PRTFDC1: variants seen among roughly 807,000 people sequenced by gnomAD.
The protein encoded by PRTFDC1 is phosphoribosyl transferase domain containing 1.
In PRTFDC1, 38 loss-of-function variants were observed where a neutral mutation model predicts 34.6. The ratio of observed to expected loss-of-function variants is 1.10; its 90% CI spans 0.85 to 1.44. PRTFDC1 has a LOEUF of 1.44. PRTFDC1 is among the 40% of genes most tolerant of loss of function. The pLI, the probability that PRTFDC1 is intolerant of heterozygous loss-of-function variation, is 0.00. For synonymous variants in PRTFDC1, 93 were observed against 98.1 expected, an observed-to-expected ratio of 0.95 and a Z score of 0.31; for missense variants, 270 against 283.0, an observed-to-expected ratio of 0.95 and a Z score of 0.33.
At chr10:24,948,733 A>G (rs192765258) in intron 1 of PRTFDC1, among the ~76,000 whole-genome samples, 46 of 152,268 alleles carry the variant, frequency 3.0e-4, no homozygotes, top group Admixed American at 3.9e-4. Flanking sequence ...GATTTACTCC[A>G]ATGCCTACCT....
chr10:24,905,331 T>G (rs1588605542), intron 3 of PRTFDC1, among the ~76,000 whole-genome samples: 2 of 147,882 alleles, frequency 1.4e-5, no homozygotes, highest in East Asian at 2.0e-4. Context: ...TTTTTTTTTT[T>G]TTTTTTTTTT....
intron 7 of PRTFDC1, among the ~76,000 whole-genome samples, chr10:24,853,338 G>A (rs996187759): frequency 1.3e-5 from 2 of 151,978 alleles, no homozygotes; most frequent in Non-Finnish European, 2.9e-5. Context: ...AAGGTAAGGT[G>A]CAGTGGCTCA....
intron 3 of PRTFDC1, among the ~76,000 whole-genome samples, chr10:24,885,525 C>A (rs1565266015): frequency 6.6e-6 from 1 of 152,168 alleles, no homozygotes; most frequent in Non-Finnish European, 1.5e-5. Flanking sequence ...CCTGCCTCAG[C>A]CTCCTGAATA....
chr10:24,859,026 G>A (rs1847630159), intron 4 of PRTFDC1, among the ~76,000 whole-genome samples: 1 of 152,138 alleles, frequency 6.6e-6, no homozygotes, highest in Non-Finnish European at 1.5e-5. Flanking sequence ...ACTGTGATAT[G>A]GTTTGGATCT....
At chr10:24,908,502 C>T in intron 3 of PRTFDC1, 1 of 1,612,008 alleles carries the variant, frequency 6.2e-7, no homozygotes, top group Non-Finnish European at 8.5e-7. Context: ...GGATCTCAGA[C>T]CTAATTCTGC....
intron 3 of PRTFDC1, among the ~76,000 whole-genome samples, chr10:24,910,862 T>G (rs1355131996): frequency 6.6e-6 from 1 of 150,630 alleles, no homozygotes; most frequent in Admixed American, 6.6e-5. Flanking sequence ...ATCTTCCTGC[T>G]AAGGAGACAG....
rs998986294 is a variant in PRTFDC1, at chr10:24,942,337, C to A, written c.148G>T (p.Val50Leu). Reference sequence around the variant, plus strand: ...ACAGGAAATCACACTCACCTGTCCACAATGATACCATGAGGGATGAGGACA... The same window carrying A: ...ACAGGAAATCACACTCACCTGTCCAAAATGATACCATGAGGGATGAGGACA... ...EYVLIPHGIIVDRIERLAKDI... is the reference protein window; with the variant it reads ...EYVLIPHGIILDRIERLAKDI... The change falls in exon 2 of 9, where the codon GTG (valine) becomes TTG (leucine). Residue 50 changes from valine to leucine, a missense_variant. Val to Leu is a conservative substitution (Grantham distance 32). Transcript: ENST00000320152. 3.1e-6 allele frequency: 5 copies of A among 1,610,480 alleles called. No individual in the cohort carries two copies. Among genetic ancestry groups the A allele is most frequent in the Non-Finnish European group, 4.2e-6 (5 of 1,176,666 alleles).
chr10:24,887,042 C>T (rs1294009471), intron 3 of PRTFDC1, among the ~76,000 whole-genome samples: 1 of 145,120 alleles, frequency 6.9e-6, no homozygotes, highest in Non-Finnish European at 1.5e-5. Context: ...GCAATCTCGG[C>T]TCACTGCAAG....
rs540980213 is a variant in PRTFDC1 at position 24,908,346 on chromosome 10, T to C, written c.339+28838A>G. ...TTTATCCAGCATGTTTCTTTACATA[T>C]TTTGATATTTTTCATAACCTCAAGC... is the stretch of plus-strand genomic sequence containing the variant. On this transcript the variant is annotated intron_variant, in intron 3 of 8. Coordinates refer to ENST00000320152, the MANE Select transcript of PRTFDC1 (RefSeq NM_020200.7). The C allele has an allele frequency of 3.3e-4, 307 of 917,936 alleles. 1 individual carries two copies. The African/African-American group carries it at 4.7e-3, about 14-fold the overall frequency. 56.9% of individuals were successfully genotyped at this position (917,936 alleles called of 1,614,324 possible).
intron 3 of PRTFDC1, among the ~76,000 whole-genome samples, chr10:24,929,484 T>C (rs1848939043): frequency 6.6e-6 from 1 of 152,178 alleles, no homozygotes; most frequent in African/African-American, 2.4e-5. Flanking sequence ...GAATTATTCA[T>C]ACAAAGCAGG....
At chr10:24,922,575 T>G (rs999488646) in intron 3 of PRTFDC1, among the ~76,000 whole-genome samples, 1 of 152,132 alleles carries the variant, frequency 6.6e-6, no homozygotes, top group Non-Finnish European at 1.5e-5. Flanking sequence ...CCTGCCACCA[T>G]GTAAGATATG....
At chr10:24,912,597 T>C (rs1400981644) in intron 3 of PRTFDC1, among the ~76,000 whole-genome samples, 1 of 152,168 alleles carries the variant, frequency 6.6e-6, no homozygotes, top group East Asian at 1.9e-4. Flanking sequence ...GCTGTGTTCT[T>C]ACAGATGTAC....
At chr10:24,907,203 C>A (rs1361293652) in intron 3 of PRTFDC1, among the ~76,000 whole-genome samples, 10 of 141,952 alleles carry the variant, frequency 7.0e-5, no homozygotes, top group Admixed American at 3.5e-4. Flanking sequence ...GGGAGCTAGA[C>A]CCTGTCTCTA....
In PRTFDC1 at chr10:24,895,462, G is replaced by A. The variant is rs112750813; in HGVS notation, c.340-23399C>T. Reference sequence around the variant, plus strand: ...GATGGGGTTTCTCCATGTTGCTCAGGCTGGTCTTGAACTCCTGACCTCAGG... The same window carrying A: ...GATGGGGTTTCTCCATGTTGCTCAGACTGGTCTTGAACTCCTGACCTCAGG... On this transcript the variant is annotated intron_variant, in intron 3 of 8. Transcript: ENST00000320152. Among the ~76,000 whole-genome samples, 795 of 150,836 alleles carry A rather than the reference G, an allele frequency of 5.3e-3. 6 individuals carry two copies. The highest frequency in any genetic ancestry group is 0.018 in the African/African-American group (738 of 41,166).
chr10:24,867,348 G>C (rs983149065), intron 4 of PRTFDC1, among the ~76,000 whole-genome samples: 12 of 152,014 alleles, frequency 7.9e-5, no homozygotes, highest in Non-Finnish European at 1.8e-4. Flanking sequence ...GCTCCTGCAG[G>C]CTCCGCCTAC....
intron 3 of PRTFDC1, among the ~76,000 whole-genome samples, chr10:24,911,141 G>C (rs1043073362): frequency 6.6e-6 from 1 of 152,104 alleles, no homozygotes; most frequent in East Asian, 1.9e-4. Context: ...AATTCAATGA[G>C]TTATGATGAA....
chr10:24,897,563 G>A lies in PRTFDC1; in HGVS notation c.340-25500C>T, dbSNP rs1223246252. Reference sequence around the variant, plus strand: ...TGAGTCAGCCATTGAGGCCTTCAGGGGAGTGATAAGAGTGTCCCCAGCATG... The same window carrying A: ...TGAGTCAGCCATTGAGGCCTTCAGGAGAGTGATAAGAGTGTCCCCAGCATG... On this transcript the variant is annotated intron_variant, in intron 3 of 8. Coordinates refer to ENST00000320152, the MANE Select transcript of PRTFDC1 (RefSeq NM_020200.7). 3.3e-5 allele frequency among the ~76,000 whole-genome samples: 5 copies of A among 152,240 alleles called. No homozygotes were observed. The South Asian group carries it at 1.0e-3, about 32-fold the overall frequency.
intron 3 of PRTFDC1, chr10:24,908,680 A>G: frequency 6.3e-7 from 1 of 1,599,614 alleles, no homozygotes; most frequent in Non-Finnish European, 8.5e-7. Flanking sequence ...TCAACCGAGC[A>G]CGCAGCTTTG....
chr10:24,935,601 C>G (rs1385108090), intron 3 of PRTFDC1, among the ~76,000 whole-genome samples: 2 of 152,018 alleles, frequency 1.3e-5, no homozygotes, highest in Non-Finnish European at 2.9e-5. Context: ...ATCCTCTCCA[C>G]TTGAGTGTGG....
Sources: gnomAD v4.1 joint callset for allele counts (sites outside exome capture counted in the v4.1 genomes callset) on GRCh38, gnomAD v4.1.1 for gene constraint, MANE v1.5 for transcripts, NCBI Gene and HGNC (gene_info 2026-07-23, HGNC 2026-07-21) for gene names.